The following ROR1 variants were observed in gnomAD, a reference collection of about 807,000 sequenced individuals.
ROR1 encodes ROR family WNT receptor 1.
ROR1 carries 19 observed loss-of-function variants against 78.8 expected under a neutral mutation model. The observed-to-expected ratio is 0.24, with a 90% CI of 0.17 to 0.35. ROR1 has a LOEUF of 0.35. Among genes scored for constraint, ROR1 ranks in the 10% least tolerant of loss-of-function variants. ROR1 has a pLI of 1.00. For synonymous variants in ROR1, 386 were observed against 433.6 expected (o/e 0.89, Z 1.36); for missense variants, 917 against 1,177.8 (o/e 0.78, Z 3.24).
chr1:64,108,797 C>G (rs1378401963), intron 4 of ROR1, among the ~76,000 whole-genome samples: 2 of 152,168 alleles, frequency 1.3e-5, no homozygotes, highest in African/African-American at 4.8e-5. Flanking sequence ...TAGAGAGATA[C>G]AGAAGAAAGT....
chr1:64,095,220 A>G (rs1227994874), intron 4 of ROR1: 1 of 152,186 alleles, frequency 6.6e-6, no homozygotes, highest in African/African-American at 2.4e-5. Flanking sequence ...CAGAAAATGT[A>G]AAATAGGAAC....
At chr1:64,035,573 C>T (rs1229520715) in intron 2 of ROR1, among the ~76,000 whole-genome samples, 4 of 152,042 alleles carry the variant, frequency 2.6e-5, no homozygotes, top group Non-Finnish European at 4.4e-5. Flanking sequence ...AGTCTCTTTC[C>T]CAGGAATTTG....
At chr1:63,966,082 C>T (rs1361568180) in intron 1 of ROR1, among the ~76,000 whole-genome samples, 2 of 152,214 alleles carry the variant, frequency 1.3e-5, no homozygotes, top group African/African-American at 2.4e-5. Context: ...AGGGCAAATG[C>T]TGAACACCTG....
chr1:64,112,093 G>C (rs1648122765), intron 4 of ROR1: 1 of 152,132 alleles, frequency 6.6e-6, no homozygotes, highest in South Asian at 2.1e-4. Flanking sequence ...CCTCGCGGGG[G>C]GTTGAAGAGG....
chr1:63,914,737 A>C (rs1192608763), intron 1 of ROR1, among the ~76,000 whole-genome samples: 4 of 152,160 alleles, frequency 2.6e-5, no homozygotes, highest in Non-Finnish European at 5.9e-5. Context: ...ACCAGTTCAG[A>C]AGTGATCAGT....
intron 1 of ROR1, among the ~76,000 whole-genome samples, chr1:63,855,906 C>G (rs936527104): frequency 6.6e-5 from 10 of 152,030 alleles, no homozygotes; most frequent in Admixed American, 5.2e-4. Context: ...ACCCGCCCAC[C>G]TCGGCCTCCC....
chr1:63,826,124 A>T (rs770839337), intron 1 of ROR1, among the ~76,000 whole-genome samples: 5 of 152,234 alleles, frequency 3.3e-5, no homozygotes, highest in Non-Finnish European at 7.3e-5. Context: ...TCAGGGGTAC[A>T]TGCACAGGTT....
At chr1:63,806,747 G>T (rs1644832608) in intron 1 of ROR1, among the ~76,000 whole-genome samples, 1 of 152,106 alleles carries the variant, frequency 6.6e-6, no homozygotes, top group Non-Finnish European at 1.5e-5. Flanking sequence ...TTGTATCTTT[G>T]TATTGTTTTT....
At chr1:64,153,483 G>T (rs1031555875) in intron 7 of ROR1, among the ~76,000 whole-genome samples, 1 of 152,174 alleles carries the variant, frequency 6.6e-6, no homozygotes. Context: ...CATGATAGCC[G>T]TTTAAGGCAG....
intron 2 of ROR1, among the ~76,000 whole-genome samples, chr1:64,046,120 C>T (rs1185771551): frequency 6.6e-6 from 1 of 152,156 alleles, no homozygotes; most frequent in East Asian, 1.9e-4. Flanking sequence ...TATAGAAACA[C>T]AAACTGTCTC....
intron 1 of ROR1, among the ~76,000 whole-genome samples, chr1:63,846,864 G>A (rs942037066): frequency 5.3e-5 from 8 of 152,212 alleles, no homozygotes; most frequent in African/African-American, 1.4e-4. Context: ...GGCACAGCGC[G>A]TTACTGCAGA....
At chr1:64,104,523 G>A (rs1647709463) in intron 4 of ROR1, among the ~76,000 whole-genome samples, 1 of 151,380 alleles carries the variant, frequency 6.6e-6, no homozygotes, top group Non-Finnish European at 1.5e-5. Context: ...CGGGATACAT[G>A]TATAGAACAC....
chr1:64,161,568 C>G (rs1007634999), intron 8 of ROR1, among the ~76,000 whole-genome samples: 1 of 140,960 alleles, frequency 7.1e-6, no homozygotes, highest in Non-Finnish European at 1.6e-5. Flanking sequence ...GTTCCCCATC[C>G]TTCATGGTCA....
intron 2 of ROR1, among the ~76,000 whole-genome samples, chr1:64,023,672 T>A (rs1246687925): frequency 1.3e-5 from 2 of 152,214 alleles, no homozygotes; most frequent in Admixed American, 1.3e-4. Flanking sequence ...ATGCATATAT[T>A]TTTACAGATA....
Position 63,774,368 on chromosome 1 carries a change from C to T in ROR1, c.-50C>T. ...AGCCCGGGAAGAGCCCGTGGATGTT[C>T]TGCGCGCGGCCTGGGAGCCGCCGCC... On this transcript the variant is annotated 5_prime_UTR_variant, in exon 1 of 9. Coordinates refer to ENST00000371079, the MANE Select transcript of ROR1 (RefSeq NM_005012.4). This position sits in a 1 kb window ranked among gnomAD's most constrained non-coding sequence, Gnocchi z 5.7. 8.3e-7 allele frequency: 1 copy of T among 1,205,790 alleles called. No individual in the cohort carries two copies. Among genetic ancestry groups the T allele is most frequent in the Non-Finnish European group, 1.1e-6 (1 of 932,372 alleles). The allele number at this position is 1,205,790 out of a possible 1,614,324, so 74.7% of individuals were successfully genotyped here.
intron 4 of ROR1, among the ~76,000 whole-genome samples, chr1:64,130,633 G>T (rs981681373): frequency 6.6e-6 from 1 of 152,176 alleles, no homozygotes; most frequent in Non-Finnish European, 1.5e-5. Flanking sequence ...AACTAAGGTT[G>T]CTTCCAGGCT....
intron 1 of ROR1, among the ~76,000 whole-genome samples, chr1:63,968,797 C>T (rs571844486): frequency 6.2e-4 from 95 of 152,320 alleles, no homozygotes; most frequent in Non-Finnish European, 1.1e-3. Context: ...ACCCTGTAAA[C>T]TTTTCTGCCA....
chr1:63,921,054 G>C (rs141567065), intron 1 of ROR1, among the ~76,000 whole-genome samples: 354 of 152,304 alleles, frequency 2.3e-3, no homozygotes, highest in African/African-American at 5.7e-3. Flanking sequence ...ATTAAATAAT[G>C]AATCAGCAAT....
At chr1:63,893,843 A>G (rs553942109) in intron 1 of ROR1, among the ~76,000 whole-genome samples, 6 of 152,262 alleles carry the variant, frequency 3.9e-5, no homozygotes, top group South Asian at 4.2e-4. Flanking sequence ...ACCAAATTCT[A>G]TATATACTAA....
Sources: allele counts gnomAD v4.1 joint callset (sites outside exome capture counted in the v4.1 genomes callset), GRCh38; gene constraint gnomAD v4.1.1; non-coding constraint Gnocchi (gnomAD v3.1); transcripts MANE v1.5; gene names NCBI Gene and HGNC (gene_info 2026-07-23, HGNC 2026-07-21).